CDH22: variants seen among roughly 807,000 people sequenced by gnomAD.
CDH22 encodes the protein cadherin-22.
A neutral mutation model predicts 58.4 loss-of-function variants in CDH22; 30 were observed. The observed-to-expected ratio is 0.51, with a 90% CI of 0.38 to 0.70. The LOEUF (loss-of-function observed/expected upper bound fraction) is 0.70. Among genes scored for constraint, CDH22 ranks in the 30% least tolerant of loss-of-function variants. The pLI is 0.00. For synonymous variants in CDH22, 513 were observed against 558.2 expected (o/e 0.92, Z 1.14); for missense variants, 1,014 against 1,233.9 (o/e 0.82, Z 2.67).
intron 3 of CDH22, among the ~76,000 whole-genome samples, chr20:46,238,199 G>C (rs2086267167): frequency 6.6e-6 from 1 of 152,174 alleles, no homozygotes; most frequent in Admixed American, 6.5e-5. Context: ...TCTAGCATCA[G>C]CTCTCCCCAC....
At chr20:46,199,643 A>T (rs1161882444) in intron 7 of CDH22, 84 bp from the exon 8 acceptor site, 19 of 1,501,390 alleles carry the variant, frequency 1.3e-5, no homozygotes, top group Non-Finnish European at 1.7e-5. Context: ...CCACTCCAAG[A>T]GAGGGACCGC....
At chr20:46,234,782 A>C (rs1484930800) in intron 3 of CDH22, among the ~76,000 whole-genome samples, 1 of 152,242 alleles carries the variant, frequency 6.6e-6, no homozygotes, top group African/African-American at 2.4e-5. Context: ...ACAGCCCAAC[A>C]GTCACTACCA....
intron 1 of CDH22, among the ~76,000 whole-genome samples, chr20:46,270,474 T>A (rs538519900): frequency 6.6e-5 from 10 of 152,248 alleles, no homozygotes; most frequent in African/African-American, 2.4e-4. Flanking sequence ...AGATAAGGCA[T>A]CTTCTTCCTT....
At chr20:46,287,335 C>T (rs866664213) in intron 1 of CDH22, among the ~76,000 whole-genome samples, 1 of 152,118 alleles carries the variant, frequency 6.6e-6, no homozygotes, top group African/African-American at 2.4e-5. Context: ...CTGTTATTAT[C>T]ATTATTAACT....
chr20:46,283,977 T>C (rs185373996), intron 1 of CDH22, among the ~76,000 whole-genome samples: 36 of 152,122 alleles, frequency 2.4e-4, no homozygotes, highest in African/African-American at 8.0e-4. Flanking sequence ...GGTGGGAGAA[T>C]GAAGGTAATT....
At chr20:46,257,681 A>G (rs550556999) in intron 1 of CDH22, among the ~76,000 whole-genome samples, 7 of 152,234 alleles carry the variant, frequency 4.6e-5, no homozygotes, top group Admixed American at 6.5e-5. Context: ...TAAAGCAGAG[A>G]TACGGAGCAG....
intron 1 of CDH22, among the ~76,000 whole-genome samples, chr20:46,283,005 AC>A (rs1320858209): frequency 1.3e-5 from 2 of 152,208 alleles, no homozygotes; most frequent in African/African-American, 4.8e-5. Context: ...CAGGGCTTCC[AC>A]AGACTCTGTG....
At chr20:46,202,993 T>G (rs1294431602) in intron 7 of CDH22, among the ~76,000 whole-genome samples, 1 of 152,214 alleles carries the variant, frequency 6.6e-6, no homozygotes, top group Non-Finnish European at 1.5e-5. Context: ...GGCTCAGAGC[T>G]GTCTCCTCTC....
intron 3 of CDH22, among the ~76,000 whole-genome samples, chr20:46,228,745 G>T (rs2086198648): frequency 6.6e-6 from 1 of 152,180 alleles, no homozygotes; most frequent in South Asian, 2.1e-4. Flanking sequence ...GGTGCCTGCT[G>T]GTGGGGCCAG....
At chr20:46,206,768 T>A (rs2086004513) in intron 7 of CDH22, among the ~76,000 whole-genome samples, 1 of 152,208 alleles carries the variant, frequency 6.6e-6, no homozygotes, top group Non-Finnish European at 1.5e-5. Context: ...TGTCTGTCTC[T>A]CTGCAGGAGA....
chr20:46,248,485 G>C (rs2086347010), intron 2 of CDH22, among the ~76,000 whole-genome samples: 1 of 152,130 alleles, frequency 6.6e-6, no homozygotes, highest in African/African-American at 2.4e-5. Context: ...GGAAAATCAG[G>C]CTGGGGTTGA....
In CDH22 at chr20:46,174,264, G is replaced by A. The variant is rs2085717333; in HGVS notation, c.*242C>T. ...CATTCTAACCCCAGAGCCACACCGT[G>A]CCCGGTCTCGCCTCAGTTTTAATGC... is the stretch of plus-strand genomic sequence containing the variant. On this transcript the variant is annotated 3_prime_UTR_variant, in exon 12 of 12. Transcript: ENST00000537909. The surrounding 1 kb of genome is among the most constrained non-coding windows in gnomAD (Gnocchi z 4.4). 1 of 487,740 alleles carries A rather than the reference G, an allele frequency of 2.1e-6. No homozygotes were observed. Among genetic ancestry groups the A allele is most frequent in the Middle Eastern group, 5.2e-4 (1 of 1,922 alleles). The allele number at this position is 487,740 out of a possible 1,614,324, so 30.2% of individuals were successfully genotyped here.
rs1184441470 is a variant in CDH22 at position 46,210,138 on chromosome 20, G to A, written c.1286+169C>T. 10 of 613,568 alleles carry A rather than the reference G, an allele frequency of 1.6e-5. No individual in the cohort carries two copies. Among genetic ancestry groups the A allele is most frequent in the Non-Finnish European group, 2.0e-5 (8 of 397,910 alleles). 38.0% of individuals were successfully genotyped at this position (613,568 alleles called of 1,614,324 possible). A position where few individuals can be genotyped will look rare whatever the true frequency, so the allele number is the denominator to read the frequency against. On this transcript the variant is annotated intron_variant, in intron 7 of 11. Transcript: ENST00000537909. The surrounding 1 kb of genome is among the most constrained non-coding windows in gnomAD (Gnocchi z 4.5). ...TCTGCTTCCTTGGCTCTTTGGCTCC[G>A]TGCCTGTTTCTCTCCACCCGTGCGC... is the stretch of plus-strand genomic sequence containing the variant.
intron 8 of CDH22, among the ~76,000 whole-genome samples, chr20:46,187,834 C>T (rs1157863443): frequency 6.6e-6 from 1 of 152,164 alleles, no homozygotes. Context: ...TGCAGAAATC[C>T]TGTGGTTTGG....
chr20:46,306,677 T>C (rs951093514), intron 1 of CDH22, among the ~76,000 whole-genome samples: 1 of 151,958 alleles, frequency 6.6e-6, no homozygotes, highest in Non-Finnish European at 1.5e-5. Context: ...AGGGAACAGT[T>C]GAGTGCTACA....
At chr20:46,253,883 T>C (rs1005304732) in intron 1 of CDH22, among the ~76,000 whole-genome samples, 1 of 151,876 alleles carries the variant, frequency 6.6e-6, no homozygotes, top group African/African-American at 2.4e-5. Flanking sequence ...GTCGATGGAG[T>C]GGCATGTCAA....
intron 1 of CDH22, among the ~76,000 whole-genome samples, chr20:46,268,552 C>T (rs934283034): frequency 2.7e-4 from 41 of 152,378 alleles, no homozygotes; most frequent in African/African-American, 9.1e-4. Context: ...CCCACCACCC[C>T]GGGCTCGGGA....
intron 7 of CDH22, among the ~76,000 whole-genome samples, chr20:46,209,300 T>A (rs1025162805): frequency 6.6e-6 from 1 of 152,104 alleles, no homozygotes; most frequent in African/African-American, 2.4e-5. Context: ...AGGCCCAGAG[T>A]GCAGATGAGC....
At position 46,195,144 on chromosome 20, in the gene CDH22, A is replaced by G. The variant is rs11907245; in HGVS notation, c.1423+4279T>C. Among the ~76,000 whole-genome samples, 551 of 152,342 alleles carry G rather than the reference A, an allele frequency of 3.6e-3. 7 individuals are homozygous for G. The highest frequency in any genetic ancestry group is 0.013 in the African/African-American group (528 of 41,572). ...GTAACAAGATGGGAGTGACCTGTCCAGGCCCACCCAACTGGGAACCATGCG... is the reference window on the plus strand; with the variant it reads ...GTAACAAGATGGGAGTGACCTGTCCGGGCCCACCCAACTGGGAACCATGCG... On this transcript the variant is annotated intron_variant, in intron 8 of 11. Coordinates refer to ENST00000537909, the MANE Select transcript of CDH22 (RefSeq NM_021248.3).
Sources: gnomAD v4.1 joint callset for allele counts (sites outside exome capture counted in the v4.1 genomes callset) on GRCh38, gnomAD v4.1.1 for gene constraint, Gnocchi (gnomAD v3.1) non-coding constraint, MANE v1.5 for transcripts, NCBI Gene and HGNC (gene_info 2026-07-23, HGNC 2026-07-21) for gene names.